GPATCH1: variants seen among roughly 807,000 people sequenced by gnomAD.
GPATCH1 encodes G-patch domain containing 1.
Under a neutral mutation model 114.9 loss-of-function variants are expected in GPATCH1, and 73 were observed. The ratio of observed to expected loss-of-function variants is 0.64; its 90% confidence interval spans 0.53 to 0.77. GPATCH1 has a LOEUF of 0.77. Ranked by LOEUF, GPATCH1 falls within the 30% of genes least tolerant of loss-of-function variation. The probability of loss-of-function intolerance (pLI) is 0.00; values close to 1 mark genes in which losing one functional copy is unlikely to be tolerated. For missense variants in GPATCH1, 1,058 were observed against 1,144.3 expected, an observed-to-expected ratio of 0.92 and a Z score of 1.09; for synonymous variants, 391 against 428.4, an observed-to-expected ratio of 0.91 and a Z score of 1.08.
At chr19:33,088,113 T>TA in intron 1 of GPATCH1, 21 bp from the exon 2 acceptor site, 1 of 61,638 alleles carries the variant, frequency 1.6e-5, no homozygotes, top group Non-Finnish European at 2.5e-5. Flanking sequence ...TTTAAAAAAC[T>TA]TTTTTTTTTT....
intron 11 of GPATCH1, among the ~76,000 whole-genome samples, chr19:33,111,263 A>G (rs1972849141): frequency 6.6e-6 from 1 of 151,614 alleles, no homozygotes; most frequent in Non-Finnish European, 1.5e-5. Flanking sequence ...GGACGCCTGT[A>G]GTCCCAGCTA....
chr19:33,117,894 G>A lies in GPATCH1; in HGVS notation c.2266G>A (p.Ala756Thr), dbSNP rs928702192. The change falls in exon 16 of 20, where the codon GCC becomes ACC. Residue 756 changes from alanine to threonine, a missense_variant. Physicochemically the swap from Ala to Thr is moderately conservative, Grantham distance 58 (BLOSUM62 0). This residue lies in a region of GPATCH1 where 893 missense variants were observed against 977.4 expected (regional missense o/e 0.91). Coordinates refer to ENST00000170564, the MANE Select transcript of GPATCH1 (RefSeq NM_018025.3). ...GSRPSMDLFR[A>T]IFASSSDEKS... ...CCGCCCATCCATGGACTTATTCAGG[G>A]CCATCTTTGCCAGTTCCTCAGATGA... 5 of 1,613,840 alleles carry A rather than the reference G, an allele frequency of 3.1e-6. No homozygotes were observed. The highest frequency in any genetic ancestry group is 2.5e-6 in the Non-Finnish European group (3 of 1,179,836).
At chr19:33,088,298 C>G (rs138802887) in intron 2 of GPATCH1, 30 bp downstream of exon 2, 1 of 1,495,274 alleles carries the variant, frequency 6.7e-7, no homozygotes, top group Non-Finnish European at 9.1e-7. Context: ...AGCTATTATA[C>G]CATTAAAGCA....
At chr19:33,106,609 A>G in intron 9 of GPATCH1, 86 bp from the exon 10 acceptor site, 3 of 1,125,184 alleles carry the variant, frequency 2.7e-6, no homozygotes, top group Admixed American at 1.8e-5. Flanking sequence ...CGGGGTTAAC[A>G]AGGCTCAGAG....
chr19:33,106,459 G>A (rs1972785558), intron 9 of GPATCH1, among the ~76,000 whole-genome samples: 1 of 152,068 alleles, frequency 6.6e-6, no homozygotes, highest in Non-Finnish European at 1.5e-5. Context: ...TGTAGAAATG[G>A]GTGGGAGGAT....
intron 15 of GPATCH1, among the ~76,000 whole-genome samples, chr19:33,116,658 T>G (rs1972919122): frequency 6.6e-6 from 1 of 152,084 alleles, no homozygotes. Flanking sequence ...GCCTCCCGAG[T>G]AGCTGGGACT....
Position 33,109,803 on chromosome 19 carries a change from G to A in GPATCH1, c.1372G>A (p.Ala458Thr). Reference protein sequence around the residue: ...EMKQATDLKAAQLKARSLAQN... With the variant: ...EMKQATDLKATQLKARSLAQN... ...GAAGCAGGCAACTGACCTGAAAGCA[G>A]CTCAGCTCAAGGCCAGGAGTCTGGC... The change falls in exon 11 of 20, where the codon GCT becomes ACT. Residue 458 changes from alanine (A) to threonine (T), a missense_variant. Around this residue, in one of 3 missense-constraint regions of GPATCH1, gnomAD observed 893 missense variants for 977.4 expected, o/e 0.91. Coordinates refer to ENST00000170564, the MANE Select transcript of GPATCH1 (RefSeq NM_018025.3). The A allele has an allele frequency of 6.2e-7, 1 of 1,612,814 alleles. No individual in the cohort carries two copies. The highest frequency in any genetic ancestry group is 8.5e-7 in the Non-Finnish European group (1 of 1,179,262).
In GPATCH1 at chr19:33,111,774, C is replaced by G. The variant is rs267605415; in HGVS notation, c.1636C>G (p.Arg546Gly). ...DPSMTEWERG[R>G]ERDEFARAAL... ...CAGCATGACAGAGTGGGAGCGAGGC[C>G]GTGAGCGGGATGAGTTTGCCCGGGC... Residue 546 changes from arginine to glycine, a missense_variant, in exon 12 of 20, where the codon CGT becomes GGT. Coordinates refer to ENST00000170564, the MANE Select transcript of GPATCH1 (RefSeq NM_018025.3). 1 of 1,614,058 alleles carries G rather than the reference C, an allele frequency of 6.2e-7. No individual in the cohort carries two copies.
At position 33,094,225 on chromosome 19, in the gene GPATCH1, G is replaced by A; in HGVS notation, c.509G>A (p.Gly170Glu). Residue 170 changes from glycine (G) to glutamate (E), a missense_variant, in exon 5 of 20, where the codon GGA (glycine) becomes GAA (glutamate). Physicochemically the swap from Gly to Glu is moderately conservative, Grantham distance 98. Coordinates refer to ENST00000170564, the MANE Select transcript of GPATCH1 (RefSeq NM_018025.3). ...AAAATGGGTTGGAAAGAAGGACAAG[G>A]AGTTGGTCCTCGAGTAAAGAGACGG... ...LRKMGWKEGQ[G>E]VGPRVKRRPR... 1 of 1,610,572 alleles carries A rather than the reference G, an allele frequency of 6.2e-7. No homozygotes were observed. Among genetic ancestry groups the A allele is most frequent in the Non-Finnish European group, 8.5e-7 (1 of 1,176,718 alleles).
chr19:33,113,243 CCAGCCTGACCAACAT>C (rs769596060), intron 13 of GPATCH1: 1 of 155,884 alleles, frequency 6.4e-6, no homozygotes, highest in African/African-American at 2.4e-5. Flanking sequence ...GAGTTCAAGA[CCAGCCTGACCAACAT>C]GGTGAAACCC....
chr19:33,112,034 C>T (rs1018296595), intron 12 of GPATCH1, 132 bp downstream of exon 12: 10 of 635,640 alleles, frequency 1.6e-5, no homozygotes, highest in African/African-American at 3.7e-5. Flanking sequence ...GGTGTGATCT[C>T]GGCTCACTGC....
intron 10 of GPATCH1, 51 bp downstream of exon 10, chr19:33,106,950 A>T (rs757066242): frequency 6.9e-7 from 1 of 1,443,862 alleles, no homozygotes; most frequent in East Asian, 2.3e-5. Flanking sequence ...CGAGTTATCA[A>T]AATCAAAATG....
At chr19:33,124,903 G>A (rs916628845) in intron 17 of GPATCH1, among the ~76,000 whole-genome samples, 2 of 152,134 alleles carry the variant, frequency 1.3e-5, no homozygotes, top group African/African-American at 4.8e-5. Context: ...GTCTCTGACA[G>A]CTTTCTAAGT....
chr19:33,112,266 G>A (rs963224729), intron 12 of GPATCH1, among the ~76,000 whole-genome samples: 1 of 151,906 alleles, frequency 6.6e-6, no homozygotes, highest in African/African-American at 2.4e-5. Flanking sequence ...ATGCCCGGCC[G>A]AGCCAAATAT....
At position 33,081,243 on chromosome 19, in the gene GPATCH1, C is replaced by A. The variant is rs990855585; in HGVS notation, c.50C>A (p.Thr17Asn). 5.8e-6 allele frequency: 9 copies of A among 1,551,680 alleles called. No homozygotes were observed. Among genetic ancestry groups the A allele is most frequent in the Non-Finnish European group, 7.8e-6 (9 of 1,147,002 alleles). Residue 17 changes from threonine (T) to asparagine (N), a missense_variant, in exon 1 of 20, where the codon ACC (threonine) becomes AAC (asparagine). Thr to Asn is a moderately conservative substitution (Grantham distance 65). Around this residue, in one of 3 missense-constraint regions of GPATCH1, gnomAD observed 131 missense variants for 107.2 expected, o/e 1.22. Coordinates refer to ENST00000170564, the MANE Select transcript of GPATCH1 (RefSeq NM_018025.3). ...DSEEDLVSYG[T>N]GLEPLEEGER... ...GAAGAAGATCTGGTCAGCTATGGGACCGGGCTGGAGCCTCTGGAAGAAGGT... is the reference window on the plus strand; with the variant it reads ...GAAGAAGATCTGGTCAGCTATGGGAACGGGCTGGAGCCTCTGGAAGAAGGT...
In GPATCH1 at chr19:33,096,260, C is replaced by T. The variant is rs1056219769; in HGVS notation, c.666C>T (p.Val222=). Residue 222 remains valine, a synonymous_variant, in exon 7 of 20, where the codon GTC becomes GTT. Transcript: ENST00000170564. The stretch of plus-strand genomic sequence containing the variant: ...ATGTGACCTTTGCACCCAAAGATGT[C>T]ACACCTGTGGATTTCACACCTAAAG... ...PDNVTFAPKD[V]TPVDFTPKDN... 3 of 1,613,410 alleles carry T rather than the reference C, an allele frequency of 1.9e-6. No homozygotes were observed. The highest frequency in any genetic ancestry group is 2.5e-6 in the Non-Finnish European group (3 of 1,179,348).
intron 8 of GPATCH1, among the ~76,000 whole-genome samples, chr19:33,099,254 A>C (rs1306976055): frequency 6.6e-6 from 1 of 151,468 alleles, no homozygotes; most frequent in African/African-American, 2.4e-5. Flanking sequence ...AATTGATAAT[A>C]TCCTATATCT....
intron 17 of GPATCH1, among the ~76,000 whole-genome samples, chr19:33,120,271 C>CAATTATATATAAAAAATATATAA (rs1555721439): frequency 8.7e-4 from 105 of 120,280 alleles, no homozygotes; most frequent in African/African-American, 3.0e-3. Flanking sequence ...TTATATATAA[C>CAATTATATATAAAAAATATATAA]AATTATATAT....
chr19:33,112,751 ATT>A, intron 13 of GPATCH1, 138 bp downstream of exon 13: 1 of 563,352 alleles, frequency 1.8e-6, no homozygotes. Context: ...AAATCTACAC[ATT>A]TTATAGATTT....
Sources: allele counts gnomAD v4.1 joint callset (sites outside exome capture counted in the v4.1 genomes callset), GRCh38; gene constraint gnomAD v4.1.1; regional missense constraint gnomAD v4.1.1; transcripts MANE v1.5; gene names NCBI Gene and HGNC (gene_info 2026-07-23, HGNC 2026-07-21).